OSGIN2: variants seen among roughly 807,000 people sequenced by gnomAD.
OSGIN2 encodes the protein oxidative stress induced growth inhibitor family member 2.
In OSGIN2, 19 loss-of-function variants were observed where a neutral mutation model predicts 53.8. That is an observed-to-expected ratio of 0.35 (90% CI 0.25 to 0.52). The LOEUF is 0.52. Among genes scored for constraint, OSGIN2 ranks in the 20% least tolerant of loss-of-function variants. OSGIN2 has a pLI of 0.95. For synonymous variants in OSGIN2, 236 were observed against 236.0 expected, an observed-to-expected ratio of 1.00 and a Z score of 0.00; for missense variants, 520 against 662.7, an observed-to-expected ratio of 0.78 and a Z score of 2.36.
At chr8:89,924,357 G>GTTT (rs34703419) in intron 5 of OSGIN2, 146 bp from the exon 6 acceptor site, 3 of 516,890 alleles carry the variant, frequency 5.8e-6, no homozygotes, top group African/African-American at 4.0e-5. Context: ...ACTAAAAATA[G>GTTT]TTTTTTTTTT....
At chr8:89,924,180 C>T (rs1809265269) in intron 5 of OSGIN2, among the ~76,000 whole-genome samples, 1 of 152,100 alleles carries the variant, frequency 6.6e-6, no homozygotes. Context: ...GTCCAATTTT[C>T]AAATATCCAC....
At chr8:89,901,872 G>C (rs1285865082), upstream of OSGIN2, 1 of 152,342 alleles carries the variant, frequency 6.6e-6, no homozygotes, top group Non-Finnish European at 1.5e-5. Flanking sequence ...GTGGTCTGGG[G>C]CGGGCCTGAT....
At position 89,924,893 on chromosome 8, in the gene OSGIN2, C is replaced by G. The variant is rs1180467381; in HGVS notation, c.1011C>G (p.Asn337Lys). ...HSMPEFGAAI[N>K]KGKLRGKVDP... is the part of the protein sequence containing the mutation. ...TGCCTGAATTTGGAGCTGCTATAAA[C>G]AAAGGAAAGTTGCGTGGCAAAGTGG... The change falls in exon 6 of 6, where the codon AAC (asparagine) becomes AAG (lysine). Residue 337 changes from asparagine to lysine, a missense_variant. By Grantham distance (94) the Asn-to-Lys change is moderately conservative (BLOSUM62 0). Around this residue, in one of 3 missense-constraint regions of OSGIN2, gnomAD observed 239 missense variants for 328.3 expected, o/e 0.73. Transcript: ENST00000451899. 5.0e-6 allele frequency: 8 copies of G among 1,614,008 alleles called. No homozygotes were observed. The highest frequency in any genetic ancestry group is 1.7e-5 in the Admixed American group (1 of 60,000).
intron 1 of OSGIN2, among the ~76,000 whole-genome samples, chr8:89,903,064 G>T (rs1808760562): frequency 6.6e-6 from 1 of 152,230 alleles, no homozygotes; most frequent in Non-Finnish European, 1.5e-5. Context: ...GGACCGCGCG[G>T]GTCACGGGAC....
At chr8:89,903,991 A>G (rs1309482524) in intron 1 of OSGIN2, among the ~76,000 whole-genome samples, 1 of 152,194 alleles carries the variant, frequency 6.6e-6, no homozygotes, top group Non-Finnish European at 1.5e-5. Context: ...AGTAAAAGAG[A>G]TGTAAGGCAT....
chr8:89,924,697 C>T lies in OSGIN2; in HGVS notation c.815C>T (p.Ser272Leu). The T allele has an allele frequency of 6.2e-7, 1 of 1,613,992 alleles. No individual in the cohort carries two copies. Among genetic ancestry groups the T allele is most frequent in the Non-Finnish European group, 8.5e-7 (1 of 1,179,902 alleles). Residue 272 changes from serine to leucine, a missense_variant, in exon 6 of 6, where the codon TCA (serine) becomes TTA (leucine). Ser to Leu is a moderately radical substitution (Grantham distance 145). Coordinates refer to ENST00000451899, the MANE Select transcript of OSGIN2 (RefSeq NM_001126111.3). ...ISTKHLQIEKSNFIKRNWEIR... is the reference protein window; with the variant it reads ...ISTKHLQIEKLNFIKRNWEIR... ...ACAAAGCATTTACAGATAGAGAAGT[C>T]AAACTTTATCAAGAGAAACTGGGAA...
intron 1 of OSGIN2, among the ~76,000 whole-genome samples, chr8:89,908,447 T>C (rs1192194064): frequency 6.6e-6 from 1 of 152,172 alleles, no homozygotes; most frequent in Admixed American, 6.5e-5. Context: ...GAAATGCCTG[T>C]CTCTGCCTGA....
At chr8:89,917,650 C>T (rs894554390) in intron 4 of OSGIN2, among the ~76,000 whole-genome samples, 26 of 152,162 alleles carry the variant, frequency 1.7e-4, no homozygotes, top group Non-Finnish European at 3.1e-4. Flanking sequence ...AAACCTTTAT[C>T]TCTTTTTTTT....
chr8:89,903,148 A>AGG (rs1808763928), intron 1 of OSGIN2, among the ~76,000 whole-genome samples: 3 of 152,194 alleles, frequency 2.0e-5, no homozygotes, highest in Admixed American at 6.5e-5. Context: ...GTTTTAGTGA[A>AGG]GGGGGTTCTA....
At chr8:89,904,879 T>C (rs578036064) in intron 1 of OSGIN2, among the ~76,000 whole-genome samples, 14 of 152,320 alleles carry the variant, frequency 9.2e-5, no homozygotes, top group Admixed American at 7.2e-4. Context: ...GTCTAACATC[T>C]GAATGGATAA....
intron 1 of OSGIN2, among the ~76,000 whole-genome samples, chr8:89,909,202 C>A (rs1808915372): frequency 6.6e-6 from 1 of 151,540 alleles, no homozygotes; most frequent in Admixed American, 6.6e-5. Flanking sequence ...TTAGTGCACT[C>A]ACCTTTTAAA....
chr8:89,920,569 C>G (rs1809176758), intron 4 of OSGIN2, among the ~76,000 whole-genome samples: 2 of 152,148 alleles, frequency 1.3e-5, no homozygotes, highest in Non-Finnish European at 2.9e-5. Context: ...AGAAGAGATG[C>G]TGCTGTATCC....
chr8:89,914,111 G>A lies in OSGIN2; in HGVS notation c.234G>A (p.Met78Ile). The change falls in exon 3 of 6, where the codon ATG becomes ATA. Residue 78 changes from methionine to isoleucine, a missense_variant. By Grantham distance (10) the Met-to-Ile change is conservative. Around this residue, in one of 3 missense-constraint regions of OSGIN2, gnomAD observed 203 missense variants for 275.3 expected, o/e 0.74. Coordinates refer to ENST00000451899, the MANE Select transcript of OSGIN2 (RefSeq NM_001126111.3). The part of the protein sequence containing the change: ...NGPSGICLSY[M>I]LSGYRPYLSS... The stretch of plus-strand genomic sequence containing the variant: ...CCTCAGGAATATGCCTTTCTTATAT[G>A]TTATCAGGCTACAGACCGTATTTAT... 6.2e-7 allele frequency: 1 copy of A among 1,610,280 alleles called. No homozygotes were observed. Among genetic ancestry groups the A allele is most frequent in the Non-Finnish European group, 8.5e-7 (1 of 1,177,194 alleles).
chr8:89,923,766 T>C (rs1809255038), intron 5 of OSGIN2, among the ~76,000 whole-genome samples: 1 of 152,230 alleles, frequency 6.6e-6, no homozygotes, highest in Non-Finnish European at 1.5e-5. Flanking sequence ...CAAACCCTAC[T>C]GTAAATTGAA....
chr8:89,916,027 A>G (rs570298637), intron 4 of OSGIN2, among the ~76,000 whole-genome samples: 1 of 151,522 alleles, frequency 6.6e-6, no homozygotes, highest in Non-Finnish European at 1.5e-5. Context: ...GAAACCACCA[A>G]TACAAGATAA....
chr8:89,920,591 G>A (rs1809177475), intron 4 of OSGIN2, among the ~76,000 whole-genome samples: 1 of 152,114 alleles, frequency 6.6e-6, no homozygotes, highest in African/African-American at 2.4e-5. Context: ...CATCAGCCTA[G>A]ATTTTAGAAT....
In OSGIN2 at chr8:89,925,765, G is replaced by T; in HGVS notation, c.*233G>T. 1 of 423,742 alleles carries T rather than the reference G, an allele frequency of 2.4e-6. No individual in the cohort carries two copies. The highest frequency in any genetic ancestry group is 4.2e-6 in the Non-Finnish European group (1 of 238,332). The allele number at this position is 423,742 out of a possible 1,614,324, so 26.2% of individuals were successfully genotyped here. On this transcript the variant is annotated 3_prime_UTR_variant, in exon 6 of 6. Coordinates refer to ENST00000451899, the MANE Select transcript of OSGIN2 (RefSeq NM_001126111.3). ...ACACTGCCAACTTGGTGTAACTTAA[G>T]CTTTCATTTAACTAAAACATTCTTT...
rs1201391601 is a variant in OSGIN2 at position 89,925,058 on chromosome 8, G to C, written c.1176G>C (p.Lys392Asn). 1 of 1,613,654 alleles carries C rather than the reference G, an allele frequency of 6.2e-7. No homozygotes were observed. The highest frequency in any genetic ancestry group is 1.7e-5 in the Admixed American group (1 of 60,016). ...PSLIFKQLPK[K>N]LYPEYHKVYH... ...TAATTTTCAAACAGCTTCCCAAAAAGCTGTATCCTGAATATCATAAAGTCT... is the reference window on the plus strand; with the variant it reads ...TAATTTTCAAACAGCTTCCCAAAAACCTGTATCCTGAATATCATAAAGTCT... Residue 392 changes from lysine (K) to asparagine (N), a missense_variant, in exon 6 of 6, where the codon AAG becomes AAC. By Grantham distance (94) the Lys-to-Asn change is moderately conservative (BLOSUM62 0). This residue lies in a region of OSGIN2 where 239 missense variants were observed against 328.3 expected (regional missense o/e 0.73). Coordinates refer to ENST00000451899, the MANE Select transcript of OSGIN2 (RefSeq NM_001126111.3).
rs564530831 is a variant in OSGIN2, at chr8:89,921,200, T to C, written c.620+29T>C. On this transcript the variant is annotated intron_variant, in intron 5 of 5. Transcript: ENST00000451899. Reference sequence around the variant, plus strand: ...AAGATTGAACTGTATTAAAATTCTTTGGTGTACGTTGAAAAAGAGAATGTG... The same window carrying C: ...AAGATTGAACTGTATTAAAATTCTTCGGTGTACGTTGAAAAAGAGAATGTG... The C allele has an allele frequency of 1.5e-4, 196 of 1,287,808 alleles. 5 individuals are homozygous for C. The South Asian group carries it at 2.4e-3, about 16-fold the overall frequency. The allele number at this position is 1,287,808 out of a possible 1,614,324, so 79.8% of individuals were successfully genotyped here.
Sources: gnomAD v4.1 joint callset for allele counts (sites outside exome capture counted in the v4.1 genomes callset) on GRCh38, gnomAD v4.1.1 for gene constraint, gnomAD v4.1.1 regional missense constraint, MANE v1.5 for transcripts, NCBI Gene and HGNC (gene_info 2026-07-23, HGNC 2026-07-21) for gene names.